SPPL2B: variants seen among roughly 807,000 people sequenced by gnomAD.
The protein encoded by SPPL2B is signal peptide peptidase-like 2B.
SPPL2B carries 39 observed loss-of-function variants against 59.7 expected under a neutral mutation model. That is an observed-to-expected ratio of 0.65 (90% CI 0.51 to 0.85). The LOEUF (loss-of-function observed/expected upper bound fraction) is 0.85, where lower values mean the gene tolerates loss of function less well. SPPL2B is among the 40% of genes least tolerant of loss of function. The pLI is 0.00. For synonymous variants in SPPL2B, 419 were observed against 370.8 expected, an observed-to-expected ratio of 1.13 and a Z score of -1.49; for missense variants, 865 against 849.0, an observed-to-expected ratio of 1.02 and a Z score of -0.23.
intron 13 of SPPL2B, among the ~76,000 whole-genome samples, chr19:2,348,015 C>T (rs1215676148): frequency 3.0e-5 from 2 of 67,712 alleles, no homozygotes; most frequent in Non-Finnish European, 5.7e-5. Context: ...TGCCTGATTC[C>T]GTTCTCTCCC....
At position 2,339,189 on chromosome 19, in the gene SPPL2B, G is replaced by T. The variant is rs773772403; in HGVS notation, c.580G>T (p.Gly194Trp). The T allele has an allele frequency of 6.2e-7, 1 of 1,603,314 alleles. No individual in the cohort carries two copies. The highest frequency in any genetic ancestry group is 1.1e-5 in the South Asian group (1 of 89,502). The change falls in exon 5 of 15, where the codon GGG becomes TGG. Residue 194 changes from glycine to tryptophan, a missense_variant. Transcript: ENST00000613503. ...CGTCGCCATCGGCGGCTACTGGGCC[G>T]GGAGTCGGGACGTGAAGAAGTGAGT... ...GTVAIGGYWA[G>W]SRDVKKRYMK...
chr19:2,336,175 G>A (rs927140549), intron 2 of SPPL2B, among the ~76,000 whole-genome samples: 1 of 152,194 alleles, frequency 6.6e-6, no homozygotes, highest in Non-Finnish European at 1.5e-5. Context: ...TGTAATAGGT[G>A]TGTGGGGGCA....
At chr19:2,345,432 A>C in intron 13 of SPPL2B, 102 bp downstream of exon 13, 1 of 948,546 alleles carries the variant, frequency 1.1e-6, no homozygotes, top group Non-Finnish European at 1.7e-6. Flanking sequence ...CCCAACCCTA[A>C]CCCTAATTCC....
At position 2,334,659 on chromosome 19, in the gene SPPL2B, A is replaced by G. The variant is rs1484672931; in HGVS notation, c.124A>G (p.Lys42Glu). The change falls in exon 2 of 15, where the codon AAA becomes GAA. Residue 42 changes from lysine to glutamate, a missense_variant. Physicochemically the swap from Lys to Glu is moderately conservative, Grantham distance 56 (BLOSUM62 1). Coordinates refer to ENST00000613503, the MANE Select transcript of SPPL2B (RefSeq NM_152988.3). Reference sequence around the variant, plus strand: ...CTCCCAGGCCGGGGGCCCCGAAGGCAAAGACTACTGCATCCTCTACAACCC... The same window carrying G: ...CTCCCAGGCCGGGGGCCCCGAAGGCGAAGACTACTGCATCCTCTACAACCC... The part of the protein sequence containing the change: ...VVSQAGGPEG[K>E]DYCILYNPQW... 1 of 1,613,030 alleles carries G rather than the reference A, an allele frequency of 6.2e-7. No individual in the cohort carries two copies. Among genetic ancestry groups the G allele is most frequent in the Non-Finnish European group, 8.5e-7 (1 of 1,179,524 alleles).
At chr19:2,337,345 G>C (rs1382803140) in intron 2 of SPPL2B, 98 bp from the exon 3 acceptor site, 1 of 1,205,146 alleles carries the variant, frequency 8.3e-7, no homozygotes, top group Middle Eastern at 2.1e-4. Flanking sequence ...TGAGGGCTGG[G>C]ATCTAACTCA....
chr19:2,342,183 G>C (rs1179094297), intron 8 of SPPL2B: 1 of 153,492 alleles, frequency 6.5e-6, no homozygotes, highest in Non-Finnish European at 1.4e-5. Context: ...AGCGGGGAGG[G>C]GACTCTGGGG....
intron 13 of SPPL2B, among the ~76,000 whole-genome samples, 163 bp downstream of exon 13, chr19:2,345,493 C>T (rs906271037): frequency 2.6e-5 from 4 of 152,368 alleles, no homozygotes; most frequent in Admixed American, 6.5e-5. Context: ...CTGGCCACTC[C>T]GGGAGCTGGG....
chr19:2,340,662 G>A lies in SPPL2B; in HGVS notation c.840-236G>A, dbSNP rs374687808. On this transcript the variant is annotated intron_variant, in intron 7 of 14. Transcript: ENST00000613503. ...AGGGCCTCGGGCGAAGGGGCGCAGC[G>A]CAGGCGAGGGGCTCTGTGGGTACAG... 2.3e-4 allele frequency: 134 copies of A among 577,292 alleles called. No individual in the cohort carries two copies. In the East Asian group the frequency reaches 3.3e-3, roughly 14 times the overall value. 35.8% of individuals were successfully genotyped at this position (577,292 alleles called of 1,614,324 possible). A position where few individuals can be genotyped will look rare whatever the true frequency, so the allele number is the denominator to read the frequency against.
At chr19:2,346,135 C>T (rs1157061506) in intron 13 of SPPL2B, among the ~76,000 whole-genome samples, 2 of 152,258 alleles carry the variant, frequency 1.3e-5, no homozygotes, top group Non-Finnish European at 2.9e-5. Context: ...TCCCCCACCG[C>T]AGCTGGCCCT....
rs1354248868 is a variant in SPPL2B at position 2,339,675 on chromosome 19, G to A, written c.600-149G>A. On this transcript the variant is annotated intron_variant, in intron 5 of 14. Coordinates refer to ENST00000613503, the MANE Select transcript of SPPL2B (RefSeq NM_152988.3). Reference sequence around the variant, plus strand: ...GTGTGGTCTCCTCTGCCCTGGGGACGTTCGGGGCGGTTCCTTGCACTTCAG... The same window carrying A: ...GTGTGGTCTCCTCTGCCCTGGGGACATTCGGGGCGGTTCCTTGCACTTCAG... 12 of 862,584 alleles carry A rather than the reference G, an allele frequency of 1.4e-5. No individual in the cohort carries two copies. In the East Asian group the frequency reaches 2.1e-4, roughly 15 times the overall value. The allele number at this position is 862,584 out of a possible 1,614,324, so 53.4% of individuals were successfully genotyped here. A position where few individuals can be genotyped will look rare whatever the true frequency, so the allele number is the denominator to read the frequency against.
In SPPL2B at chr19:2,353,157, G is replaced by T. The variant is rs1416962921; in HGVS notation, c.1727G>T (p.Gly576Val). Residue 576 changes from glycine (G) to valine (V), a missense_variant, in exon 15 of 15, where the codon GGC becomes GTC. By Grantham distance (109) the Gly-to-Val change is moderately radical. Transcript: ENST00000613503. ...REPGSPAESE[G>V]RDQAQPSPVT... Reference sequence around the variant, plus strand: ...CCTGGGAGCCCAGCTGAATCCGAGGGCCGGGACCAGGCCCAGCCGTCCCCG... The same window carrying T: ...CCTGGGAGCCCAGCTGAATCCGAGGTCCGGGACCAGGCCCAGCCGTCCCCG... 2.5e-6 allele frequency: 4 copies of T among 1,609,544 alleles called. No individual in the cohort carries two copies. The highest frequency in any genetic ancestry group is 1.7e-5 in the Admixed American group (1 of 59,850).
chr19:2,352,909 C>A, intron 14 of SPPL2B, 37 bp from the exon 15 acceptor site: 1 of 1,609,676 alleles, frequency 6.2e-7, no homozygotes, highest in Non-Finnish European at 8.5e-7. Context: ...CTCTGGGTCC[C>A]TGTCTCCGCC....
chr19:2,343,966 C>T lies in SPPL2B; in HGVS notation c.1040C>T (p.Ala347Val). ...CGCCCTCAGCCGTGGGCTTCGCAGGCCTGCACGCTGCTGCTGCTGGTGCTG... is the reference window on the plus strand; with the variant it reads ...CGCCCTCAGCCGTGGGCTTCGCAGGTCTGCACGCTGCTGCTGCTGGTGCTG... Reference protein sequence around the residue: ...LKTIRLPTFKACTLLLLVLFL... With the variant: ...LKTIRLPTFKVCTLLLLVLFL... Residue 347 changes from alanine (A) to valine (V), a missense_variant and splice_region_variant, in exon 10 of 15, where the codon GCC becomes GTC. Ala to Val is a moderately conservative substitution (Grantham distance 64, BLOSUM62 0). Coordinates refer to ENST00000613503, the MANE Select transcript of SPPL2B (RefSeq NM_152988.3). 1.9e-6 allele frequency: 3 copies of T among 1,547,954 alleles called. No homozygotes were observed. Among genetic ancestry groups the T allele is most frequent in the Non-Finnish European group, 2.6e-6 (3 of 1,146,434 alleles).
chr19:2,343,783 G>T (rs1025084417), intron 9 of SPPL2B, among the ~76,000 whole-genome samples, 182 bp from the exon 10 acceptor site: 1 of 152,126 alleles, frequency 6.6e-6, no homozygotes, highest in African/African-American at 2.4e-5. Context: ...ACTTTTGCCC[G>T]TAAATCCCTA....
Position 2,328,690 on chromosome 19 carries a change from T to A in SPPL2B, c.-20T>A. On this transcript the variant is annotated 5_prime_UTR_variant, in exon 1 of 15. Coordinates refer to ENST00000613503, the MANE Select transcript of SPPL2B (RefSeq NM_152988.3). ...TTGCTGGGAAACATCTGCCGTTGGT[T>A]GCGGCGGGCACCGGCCGACATGGCG... is the stretch of plus-strand genomic sequence containing the variant. The A allele has an allele frequency of 7.0e-7, 1 of 1,436,028 alleles. No individual in the cohort carries two copies. The highest frequency in any genetic ancestry group is 2.8e-5 in the East Asian group (1 of 35,474). 89.0% of individuals were successfully genotyped at this position (1,436,028 alleles called of 1,614,324 possible). A position where few individuals can be genotyped will look rare whatever the true frequency, so the allele number is the denominator to read the frequency against.
intron 8 of SPPL2B, 49 bp downstream of exon 8, chr19:2,341,063 G>GAC (rs771792812): frequency 5.1e-5 from 67 of 1,307,830 alleles, no homozygotes; most frequent in Middle Eastern, 3.6e-4. Flanking sequence ...GTCCTCGGGT[G>GAC]CACCAGGGCT....
Position 2,339,142 on chromosome 19 carries a change from TC to T in SPPL2B, c.534del (p.Phe179SerfsTer20). On this transcript the variant is annotated frameshift_variant, in exon 5 of 15. Transcript: ENST00000613503. LOFTEE classifies it high-confidence loss of function. Reference sequence around the variant, plus strand: ...GTGCTGGACTACAACATGGTCATCATCTTCATCATGGCTGTGGGCACCGTCG... The same window carrying T: ...GTGCTGGACTACAACATGGTCATCATTTCATCATGGCTGTGGGCACCGTCG... Reference protein sequence around the residue: ...EPVLDYNMVIIFIMAVGTVAI... With the variant: ...EPVLDYNMVIXFIMAVGTVAI... 2 of 1,597,136 alleles carry T rather than the reference TC, an allele frequency of 1.3e-6. No individual in the cohort carries two copies. Among genetic ancestry groups the T allele is most frequent in the Non-Finnish European group, 1.7e-6 (2 of 1,171,988 alleles).
chr19:2,329,646 G>A (rs1012632931), intron 1 of SPPL2B, among the ~76,000 whole-genome samples: 6 of 152,108 alleles, frequency 3.9e-5, no homozygotes, highest in African/African-American at 1.4e-4. Flanking sequence ...AGGCGTCGCC[G>A]CCACCTGGCT....
At chr19:2,330,733 C>G (rs563394555) in intron 1 of SPPL2B, 1 of 152,458 alleles carries the variant, frequency 6.6e-6, no homozygotes, top group Non-Finnish European at 1.5e-5. Flanking sequence ...CATTCAGCCT[C>G]CTAGTCTGGA....
Sources: allele counts gnomAD v4.1 joint callset (sites outside exome capture counted in the v4.1 genomes callset), GRCh38; gene constraint gnomAD v4.1.1; transcripts MANE v1.5; gene names NCBI Gene and HGNC (gene_info 2026-07-23, HGNC 2026-07-21).